FGD2: variants seen among roughly 807,000 people sequenced by gnomAD.
FGD2 encodes the protein FYVE, RhoGEF and PH domain containing 2.
FGD2 carries 52 observed loss-of-function variants against 75.9 expected under a neutral mutation model. The observed-to-expected ratio is 0.69, with a 90% CI of 0.55 to 0.86. The LOEUF (loss-of-function observed/expected upper bound fraction) is 0.86. Among genes scored for constraint, FGD2 ranks in the 40% least tolerant of loss-of-function variants. The probability of loss-of-function intolerance (pLI) is 0.00; values close to 1 mark genes in which losing one functional copy is unlikely to be tolerated. For missense variants in FGD2, 790 were observed against 872.0 expected (o/e 0.91, Z 1.18); for synonymous variants, 347 against 348.6 (o/e 1.00, Z 0.05).
chr6:37,016,531 TG>T (rs1750795123), intron 9 of FGD2, among the ~76,000 whole-genome samples: 1 of 121,646 alleles, frequency 8.2e-6, no homozygotes, highest in Non-Finnish European at 1.6e-5. Context: ...TAGAATCTTC[TG>T]GATTTTTTTT....
intron 13 of FGD2, chr6:37,025,461 C>T (rs1025655200): frequency 2.2e-5 from 7 of 320,178 alleles, no homozygotes; most frequent in African/African-American, 1.2e-4. Context: ...GCCAGTGGCC[C>T]GTCTGGGGCA....
intron 13 of FGD2, chr6:37,025,537 C>T (rs1352188004): frequency 7.7e-6 from 4 of 518,438 alleles, no homozygotes; most frequent in Non-Finnish European, 1.4e-5. Flanking sequence ...TTACGGCCCT[C>T]GCGGTGGGGG....
intron 2 of FGD2, chr6:37,009,779 C>G (rs944436184): frequency 2.6e-5 from 4 of 151,998 alleles, no homozygotes; most frequent in Non-Finnish European, 5.9e-5. Flanking sequence ...TTTGGGAGGC[C>G]GAGGTGGGCA....
chr6:37,028,341 C>T lies in FGD2; in HGVS notation c.*178C>T. On this transcript the variant is annotated 3_prime_UTR_variant, in exon 16 of 16. Coordinates refer to ENST00000274963, the MANE Select transcript of FGD2 (RefSeq NM_173558.4). ...GGGATTAGAAAATATGGGTCCATTC[C>T]TTTCTAGAAAGGGGACAACCAAGTG... 1.6e-6 allele frequency: 1 copy of T among 607,280 alleles called. No individual in the cohort carries two copies. The highest frequency in any genetic ancestry group is 2.7e-6 in the Non-Finnish European group (1 of 364,098). 37.6% of individuals were successfully genotyped at this position (607,280 alleles called of 1,614,324 possible).
At chr6:37,016,551 T>C (rs1268619286) in intron 9 of FGD2, among the ~76,000 whole-genome samples, 1 of 133,674 alleles carries the variant, frequency 7.5e-6, no homozygotes. Flanking sequence ...TTTTTTTTTT[T>C]GAGACCGAGT....
rs187299627 is a variant in FGD2 at position 37,008,731 on chromosome 6, C to T, written c.69-103C>T. ...AAAGCCAGGCACCCAGGGGCCCCTGCACTGGGGATTTGCACCAGGCAACCC... is the reference window on the plus strand; with the variant it reads ...AAAGCCAGGCACCCAGGGGCCCCTGTACTGGGGATTTGCACCAGGCAACCC... On this transcript the variant is annotated intron_variant, in intron 1 of 15. Transcript: ENST00000274963. The T allele has an allele frequency of 3.4e-3, 3,792 of 1,119,984 alleles. 22 individuals are homozygous for T. The highest frequency in any genetic ancestry group is 0.027 in the Middle Eastern group (102 of 3,842). The allele number at this position is 1,119,984 out of a possible 1,614,324, so 69.4% of individuals were successfully genotyped here.
Position 37,013,745 on chromosome 6 carries a change from G to A in FGD2, c.664G>A (p.Glu222Lys), listed in dbSNP as rs768184742. 48 of 1,613,922 alleles carry A rather than the reference G, an allele frequency of 3.0e-5. No individual in the cohort carries two copies. Among genetic ancestry groups the A allele is most frequent in the Non-Finnish European group, 4.0e-5 (47 of 1,179,968 alleles). ...TWTDKSPLFQ[E>K]VLTRIQSSEA... ...GACCGACAAGTCTCCACTCTTCCAG[G>A]AGGTTCTCACTCGCATCCAGGTGAG... The change falls in exon 5 of 16, where the codon GAG (glutamate) becomes AAG (lysine). Residue 222 changes from glutamate to lysine, a missense_variant. Physicochemically the swap from Glu to Lys is moderately conservative, Grantham distance 56 (BLOSUM62 1). Coordinates refer to ENST00000274963, the MANE Select transcript of FGD2 (RefSeq NM_173558.4).
intron 2 of FGD2, chr6:37,009,772 G>A (rs1405075821): frequency 6.6e-6 from 1 of 152,176 alleles, no homozygotes; most frequent in Admixed American, 6.5e-5. Flanking sequence ...CCAGCACTTT[G>A]GGAGGCCGAG....
chr6:37,012,691 G>A (rs1765067121), intron 4 of FGD2, among the ~76,000 whole-genome samples: 1 of 146,768 alleles, frequency 6.8e-6, no homozygotes, highest in Non-Finnish European at 1.5e-5. Context: ...CAGCCTGGGT[G>A]ACAGAGAGAG....
chr6:37,022,204 G>A lies in FGD2; in HGVS notation c.1327-35G>A, dbSNP rs73409476. 2.1e-3 allele frequency: 3,374 copies of A among 1,586,078 alleles called. 55 individuals carry two copies. The African/African-American group carries it at 0.04, about 19-fold the overall frequency. Reference sequence around the variant, plus strand: ...AGGATGGGCGGAAGAAGGTCACCAAGGGCCCATTCCTGCCCAACTCCCCTT... The same window carrying A: ...AGGATGGGCGGAAGAAGGTCACCAAAGGCCCATTCCTGCCCAACTCCCCTT... On this transcript the variant is annotated intron_variant, in intron 12 of 15. Transcript: ENST00000274963.
intron 1 of FGD2, among the ~76,000 whole-genome samples, 187 bp from the exon 2 acceptor site, chr6:37,008,647 G>A (rs751846337): frequency 9.8e-5 from 15 of 152,340 alleles, no homozygotes; most frequent in Non-Finnish European, 2.1e-4. Context: ...TGAACACTGA[G>A]TTCCCTCCAA....
At chr6:37,021,937 G>A (rs1765608756) in intron 12 of FGD2, 1 of 493,258 alleles carries the variant, frequency 2.0e-6, no homozygotes, top group Non-Finnish European at 3.6e-6. Context: ...GAGTGAGGTG[G>A]GGGCTGGGGA....
At position 37,020,927 on chromosome 6, in the gene FGD2, T is replaced by C. The variant is rs114857940; in HGVS notation, c.1233+188T>C. 1.5e-3 allele frequency among the ~76,000 whole-genome samples: 229 copies of C among 149,510 alleles called. 1 individual carries two copies. The highest frequency in any genetic ancestry group is 5.6e-3 in the African/African-American group (223 of 39,776). ...GTGTGTGTGTGCATGTGTGTATGCA[T>C]GTGTGTGCATCTGTGTGTGCATGTC... On this transcript the variant is annotated intron_variant, in intron 11 of 15. Transcript: ENST00000274963.
chr6:37,011,138 A>G, intron 3 of FGD2, 88 bp downstream of exon 3: 1 of 1,298,798 alleles, frequency 7.7e-7, no homozygotes, highest in Non-Finnish European at 1.1e-6. Context: ...TGCTCACCAG[A>G]GCTGAGTCAG....
chr6:37,020,583 G>A lies in FGD2; in HGVS notation c.1165G>A (p.Val389Met). ...MDAEFPHSFL[V>M]SGKQRTLELQ... ...TGCTGAGTTTCCCCACTCCTTCCTG[G>A]TGTCCGGGAAGCAGCGCACCCTGGA... The change falls in exon 10 of 16, where the codon GTG becomes ATG. Residue 389 changes from valine (V) to methionine (M), a missense_variant. Coordinates refer to ENST00000274963, the MANE Select transcript of FGD2 (RefSeq NM_173558.4). 6.2e-7 allele frequency: 1 copy of A among 1,609,362 alleles called. No individual in the cohort carries two copies.
intron 3 of FGD2, 190 bp downstream of exon 3, chr6:37,011,240 C>G: frequency 1.6e-6 from 1 of 619,698 alleles, no homozygotes; most frequent in South Asian, 1.9e-5. Flanking sequence ...GCAGTACTCC[C>G]CATTCTGCCT....
chr6:37,007,507 T>C (rs1561924130), intron 1 of FGD2, among the ~76,000 whole-genome samples: 1 of 152,178 alleles, frequency 6.6e-6, no homozygotes, highest in Non-Finnish European at 1.5e-5. Flanking sequence ...CAGCATGCTG[T>C]GCTCTGCCCA....
rs1449995678 is a variant in FGD2, at chr6:37,027,574, A to T, written c.1751A>T (p.Gln584Leu). The T allele has an allele frequency of 1.9e-6, 3 of 1,613,806 alleles. No individual in the cohort carries two copies. The African/African-American group carries it at 4.0e-5, about 22-fold the overall frequency. The change falls in exon 15 of 16, where the codon CAG (glutamine) becomes CTG (leucine). Residue 584 changes from glutamine to leucine, a missense_variant and splice_region_variant. Transcript: ENST00000274963. ...PLVLYVYAAP[Q>L]DMRAHTSIPL... ...GTGCTCTATGTCTATGCTGCCCCTCAGGTAAGGCCACCACCTGCCCGCCCC... is the reference window on the plus strand; with the variant it reads ...GTGCTCTATGTCTATGCTGCCCCTCTGGTAAGGCCACCACCTGCCCGCCCC...
In FGD2 at chr6:37,011,029, G is replaced by A. The variant is rs375895424; in HGVS notation, c.357G>A (p.Ala119=). The A allele has an allele frequency of 5.9e-5, 95 of 1,614,110 alleles. No individual in the cohort carries two copies. The highest frequency in any genetic ancestry group is 4.9e-4 in the Middle Eastern group (3 of 6,062). ...ELLETEQAYV[A]RLHLLDQVFF... ...TGGAGACAGAGCAGGCCTATGTGGC[G>A]CGCCTCCACCTGCTAGACCAGGCCA... The change falls in exon 3 of 16, where the codon GCG becomes GCA. Residue 119 remains alanine, a synonymous_variant. Coordinates refer to ENST00000274963, the MANE Select transcript of FGD2 (RefSeq NM_173558.4).
Sources: allele counts gnomAD v4.1 joint callset (sites outside exome capture counted in the v4.1 genomes callset), GRCh38; gene constraint gnomAD v4.1.1; transcripts MANE v1.5; gene names NCBI Gene and HGNC (gene_info 2026-07-23, HGNC 2026-07-21).